The following ICE2 variants were observed in gnomAD, a reference collection of about 807,000 sequenced individuals.
ICE2 encodes interactor of little elongation complex ELL subunit 2, also known as little elongation complex subunit 2.
A neutral mutation model predicts 105.4 loss-of-function variants in ICE2; 87 were observed. That is an observed-to-expected ratio of 0.83 (90% confidence interval 0.69 to 0.99). The LOEUF (loss-of-function observed/expected upper bound fraction) is 0.99, where lower values mean the gene tolerates loss of function less well. ICE2 is among the 50% of genes least tolerant of loss of function. The pLI, the probability that ICE2 is intolerant of heterozygous loss-of-function variation, is 0.00. For missense variants in ICE2, 1,323 were observed against 1,146.7 expected (o/e 1.15, Z -2.22); for synonymous variants, 399 against 392.0 (o/e 1.02, Z -0.21).
chr15:60,447,424 G>C (rs2063846500), intron 11 of ICE2: 1 of 152,180 alleles, frequency 6.6e-6, no homozygotes, highest in South Asian at 2.1e-4. Context: ...CTTGGGACCA[G>C]AAGTGTTTCA....
At chr15:60,426,730 T>G (rs557530882) in intron 15 of ICE2, among the ~76,000 whole-genome samples, 1 of 152,310 alleles carries the variant, frequency 6.6e-6, no homozygotes, top group East Asian at 1.9e-4. Context: ...GTTGTTCAAT[T>G]CCAAGGTATT....
chr15:60,434,561 AC>A, intron 13 of ICE2, among the ~76,000 whole-genome samples: 1 of 137,388 alleles, frequency 7.3e-6, no homozygotes, highest in African/African-American at 2.6e-5. Flanking sequence ...ACACACACAC[AC>A]ACACAATGGA....
chr15:60,464,550 A>T (rs2064369221), intron 5 of ICE2, among the ~76,000 whole-genome samples: 1 of 152,202 alleles, frequency 6.6e-6, no homozygotes, highest in African/African-American at 2.4e-5. Context: ...CGGGGAATAG[A>T]TTGAGAAAAA....
chr15:60,452,914 C>A (rs1375221988), intron 9 of ICE2: 1 of 985,290 alleles, frequency 1.0e-6, no homozygotes, highest in Non-Finnish European at 1.2e-6. Context: ...TTAAGCTCAC[C>A]TGTTCCTTTT....
intron 3 of ICE2, among the ~76,000 whole-genome samples, chr15:60,473,792 G>C (rs1397864387): frequency 6.6e-6 from 1 of 152,170 alleles, no homozygotes; most frequent in African/African-American, 2.4e-5. Context: ...TACATACATA[G>C]GGAGTCTATT....
Position 60,426,809 on chromosome 15 carries a change from C to G in ICE2, c.2820+1620G>C, listed in dbSNP as rs139301714. 5.7e-4 allele frequency among the ~76,000 whole-genome samples: 87 copies of G among 152,188 alleles called. No homozygotes were observed. The East Asian group carries it at 0.015, about 27-fold the overall frequency. On this transcript the variant is annotated intron_variant, in intron 15 of 15. Transcript: ENST00000261520. ...AGAATTACATGTTATAGGTGAGAGA[C>G]TATAATCAGTGTTTCTAAATTAAAA...
intron 9 of ICE2, chr15:60,452,768 TA>T (rs773705846): frequency 4.8e-6 from 3 of 628,674 alleles, no homozygotes; most frequent in Non-Finnish European, 5.9e-6. Context: ...TCCTATGAGT[TA>T]GGTAATATCA....
intron 15 of ICE2, among the ~76,000 whole-genome samples, chr15:60,427,069 G>A (rs1268297748): frequency 6.6e-6 from 1 of 152,196 alleles, no homozygotes; most frequent in Non-Finnish European, 1.5e-5. Flanking sequence ...AAGTAGGAAT[G>A]TACAAGGAGT....
intron 13 of ICE2, among the ~76,000 whole-genome samples, chr15:60,433,196 T>G (rs972312977): frequency 6.6e-6 from 1 of 151,426 alleles, no homozygotes; most frequent in Non-Finnish European, 1.5e-5. Context: ...CACGCCATTC[T>G]CCTGCCTCAG....
chr15:60,451,403 T>C (rs2063963451), intron 9 of ICE2: 8 of 954,332 alleles, frequency 8.4e-6, no homozygotes, highest in African/African-American at 1.8e-5. Flanking sequence ...TTATTCTATG[T>C]TCAGAAGGAA....
chr15:60,444,596 T>A (rs1176469007), intron 11 of ICE2, among the ~76,000 whole-genome samples: 1 of 152,206 alleles, frequency 6.6e-6, no homozygotes, highest in Non-Finnish European at 1.5e-5. Context: ...TATTATGAAA[T>A]CATCCAAAGT....
chr15:60,429,616 T>C lies in ICE2; in HGVS notation c.2562-929A>G, dbSNP rs538941229. Among the ~76,000 whole-genome samples the C allele has an allele frequency of 7.2e-5, 11 of 152,302 alleles. No individual in the cohort carries two copies. The East Asian group carries it at 2.1e-3, about 29-fold the overall frequency. On this transcript the variant is annotated intron_variant, in intron 14 of 15. Coordinates refer to ENST00000261520, the MANE Select transcript of ICE2 (RefSeq NM_024611.6). ...GATGTTAAGGAGAACATCGGTTCTT[T>C]ACAATATATTATGAAAAAATAAAGA...
intron 3 of ICE2, among the ~76,000 whole-genome samples, chr15:60,472,094 G>C (rs1024779152): frequency 1.3e-5 from 2 of 151,284 alleles, no homozygotes; most frequent in African/African-American, 4.9e-5. Flanking sequence ...ATTTCTACAT[G>C]AACGGCTCAT....
intron 12 of ICE2, chr15:60,441,299 A>G (rs904182875): frequency 2.0e-5 from 3 of 152,182 alleles, no homozygotes; most frequent in Non-Finnish European, 4.4e-5. Context: ...TTTTTGAGTT[A>G]AGCAGAAAGA....
At chr15:60,434,568 A>G (rs957242153) in intron 13 of ICE2, among the ~76,000 whole-genome samples, 9 of 135,486 alleles carry the variant, frequency 6.6e-5, no homozygotes, top group South Asian at 2.3e-4. Context: ...CACACACACA[A>G]TGGAATATAT....
intron 3 of ICE2, among the ~76,000 whole-genome samples, chr15:60,472,123 C>G (rs982249138): frequency 6.6e-6 from 1 of 151,494 alleles, no homozygotes; most frequent in Non-Finnish European, 1.5e-5. Context: ...TTAATATCCT[C>G]TTTTATTTTC....
intron 12 of ICE2, among the ~76,000 whole-genome samples, chr15:60,436,720 CAAAAA>C (rs58594280): frequency 1.1e-5 from 1 of 88,014 alleles, no homozygotes; most frequent in Non-Finnish European, 2.2e-5. Flanking sequence ...GACTCTGTCT[CAAAAA>C]AAAAAAAAAA....
chr15:60,451,636 AAGCATT>A, intron 9 of ICE2: 2 of 984,448 alleles, frequency 2.0e-6, no homozygotes, highest in Non-Finnish European at 2.4e-6. Flanking sequence ...AATCCAGAAA[AAGCATT>A]TTACTCCAAG....
intron 5 of ICE2, among the ~76,000 whole-genome samples, chr15:60,457,310 G>A (rs956414712): frequency 2.6e-5 from 4 of 152,066 alleles, no homozygotes; most frequent in African/African-American, 9.7e-5. Flanking sequence ...TGACTTATCA[G>A]GAAACATAAT....
Sources: gnomAD v4.1 joint callset for allele counts (sites outside exome capture counted in the v4.1 genomes callset) on GRCh38, gnomAD v4.1.1 for gene constraint, MANE v1.5 for transcripts, NCBI Gene and HGNC (gene_info 2026-07-23, HGNC 2026-07-21) for gene names.